Variants in TMOD1 observed in about 807,000 individuals in gnomAD.
TMOD1 encodes tropomodulin-1.
In TMOD1, 17 loss-of-function variants were observed where a neutral mutation model predicts 40.6. The observed-to-expected ratio is 0.42, with a 90% CI of 0.29 to 0.63. The LOEUF (loss-of-function observed/expected upper bound fraction) is 0.63, where lower values mean the gene tolerates loss of function less well. Ranked by LOEUF, TMOD1 falls within the 20% of genes least tolerant of loss-of-function variation. The probability of loss-of-function intolerance (pLI) is 0.22; values close to 1 mark genes in which losing one functional copy is unlikely to be tolerated. For synonymous variants in TMOD1, 181 were observed against 175.0 expected (o/e 1.03, Z -0.27); for missense variants, 391 against 447.6 (o/e 0.87, Z 1.14).
At chr9:97,535,161 G>C (rs767659160) in intron 2 of TMOD1, among the ~76,000 whole-genome samples, 1 of 152,154 alleles carries the variant, frequency 6.6e-6, no homozygotes, top group Non-Finnish European at 1.5e-5. Context: ...GAGCATCTCC[G>C]AGTATGCTGG....
chr9:97,595,798 T>TA (rs1421224895), intron 9 of TMOD1, among the ~76,000 whole-genome samples: 3 of 152,010 alleles, frequency 2.0e-5, no homozygotes, highest in Non-Finnish European at 4.4e-5. Flanking sequence ...GGCAGCCAGG[T>TA]ACGGTGGCTC....
At chr9:97,530,840 T>C (rs1267433739) in intron 2 of TMOD1, among the ~76,000 whole-genome samples, 1 of 131,974 alleles carries the variant, frequency 7.6e-6, no homozygotes, top group East Asian at 2.3e-4. Flanking sequence ...CAGATTGGAG[T>C]GCAACGGCGT....
At chr9:97,578,463 C>G (rs1181853466) in intron 8 of TMOD1, among the ~76,000 whole-genome samples, 2 of 152,158 alleles carry the variant, frequency 1.3e-5, no homozygotes, top group Non-Finnish European at 2.9e-5. Context: ...CCTGGAAGAT[C>G]ATGATTATCT....
At chr9:97,553,508 C>G in intron 4 of TMOD1, 108 bp downstream of exon 4, 2 of 1,450,312 alleles carry the variant, frequency 1.4e-6, no homozygotes, top group Non-Finnish European at 1.9e-6. Flanking sequence ...CTATTTCTAA[C>G]AAGAACTAGA....
In TMOD1 at chr9:97,502,328, T is replaced by C. The variant is rs1829515834; in HGVS notation, c.-49+525T>C. On this transcript the variant is annotated intron_variant, in intron 1 of 9. Coordinates refer to ENST00000259365, the MANE Select transcript of TMOD1 (RefSeq NM_003275.4). The surrounding 1 kb of genome is among the most constrained non-coding windows in gnomAD (Gnocchi z 6.1). ...CTGGACGTGGATCCCAGGTTCGCGC[T>C]GAGAGTGTTTGGGGCAGGTGAAGTT... Among the ~76,000 whole-genome samples the C allele has an allele frequency of 6.6e-6, 1 of 152,094 alleles. No homozygotes were observed. The highest frequency in any genetic ancestry group is 1.5e-5 in the Non-Finnish European group (1 of 67,990).
chr9:97,524,016 A>C (rs909544504), intron 1 of TMOD1, 125 bp from the exon 2 acceptor site: 2 of 636,616 alleles, frequency 3.1e-6, no homozygotes, highest in African/African-American at 3.7e-5. Flanking sequence ...GTATTCCACC[A>C]TAGTAATGAT....
chr9:97,595,478 CA>C (rs1213345574), intron 9 of TMOD1, among the ~76,000 whole-genome samples: 2 of 149,786 alleles, frequency 1.3e-5, no homozygotes, highest in African/African-American at 2.5e-5. Flanking sequence ...TGGCTTATTT[CA>C]CTTAGTATAA....
intron 8 of TMOD1, among the ~76,000 whole-genome samples, chr9:97,578,576 C>A (rs1306460560): frequency 6.6e-6 from 1 of 152,086 alleles, no homozygotes; most frequent in African/African-American, 2.4e-5. Flanking sequence ...CTGGGGCAGT[C>A]CTTTCAGCCC....
At chr9:97,515,306 G>T (rs1587913910) in intron 1 of TMOD1, among the ~76,000 whole-genome samples, 2 of 151,974 alleles carry the variant, frequency 1.3e-5, no homozygotes, top group East Asian at 3.9e-4. Context: ...TTGAGACAGG[G>T]TCTCAATCTG....
At chr9:97,591,515 T>G (rs923563879) in intron 9 of TMOD1, 80 bp downstream of exon 9, 16 of 1,499,124 alleles carry the variant, frequency 1.1e-5, no homozygotes, top group Non-Finnish European at 1.3e-5. Context: ...GGGAAAATTC[T>G]GTAGATGCCT....
intron 3 of TMOD1, among the ~76,000 whole-genome samples, chr9:97,548,123 A>C (rs1053761424): frequency 2.0e-5 from 3 of 152,148 alleles, no homozygotes; most frequent in African/African-American, 7.2e-5. Context: ...TAATTAATTA[A>C]TTGTGTAATT....
intron 1 of TMOD1, among the ~76,000 whole-genome samples, chr9:97,523,242 G>A (rs563696453): frequency 5.3e-5 from 8 of 152,304 alleles, no homozygotes; most frequent in East Asian, 1.9e-4. Context: ...GTCCAAATGC[G>A]TTGGGTGTCA....
At chr9:97,510,525 C>T (rs1829679369) in intron 1 of TMOD1, among the ~76,000 whole-genome samples, 1 of 152,226 alleles carries the variant, frequency 6.6e-6, no homozygotes, top group Non-Finnish European at 1.5e-5. Context: ...GCCACCACAC[C>T]CGGTCTACAG....
chr9:97,517,924 G>A (rs909370808), intron 1 of TMOD1: 3 of 152,274 alleles, frequency 2.0e-5, no homozygotes, highest in African/African-American at 7.3e-5. Flanking sequence ...GCTTGAGGGA[G>A]GGGGGCCTGG....
Position 97,546,125 on chromosome 9 carries a change from A to ACTCT in TMOD1, c.121-55_121-52dup, listed in dbSNP as rs1554681990. 320 of 1,533,286 alleles carry ACTCT rather than the reference A, an allele frequency of 2.1e-4. 7 individuals carry two copies. In the South Asian group the frequency reaches 3.1e-3, roughly 15 times the overall value. The allele number at this position is 1,533,286 out of a possible 1,614,324, so 95.0% of individuals were successfully genotyped here. Reference sequence around the variant, plus strand: ...AAGTGCAAGTCTTCAGCAGCTGACCACTCTCTCTTTCTCTCTCTCTCTTTC... The same window carrying ACTCT: ...AAGTGCAAGTCTTCAGCAGCTGACCACTCTCTCTCTCTTTCTCTCTCTCTCTTTC... On this transcript the variant is annotated intron_variant, in intron 2 of 9. Transcript: ENST00000259365.
intron 1 of TMOD1, among the ~76,000 whole-genome samples, chr9:97,509,521 T>TG: frequency 1.3e-5 from 2 of 149,758 alleles, no homozygotes; most frequent in African/African-American, 4.9e-5. Context: ...TGTTTTTTGT[T>TG]TTTTTTTTAG....
At chr9:97,595,008 T>G (rs1301482254) in intron 9 of TMOD1, among the ~76,000 whole-genome samples, 2 of 152,066 alleles carry the variant, frequency 1.3e-5, no homozygotes, top group Non-Finnish European at 2.9e-5. Flanking sequence ...TTCCTGGGAG[T>G]CACCATTTTA....
rs1826244919 is a variant in TMOD1 at position 97,600,999 on chromosome 9, G to A, written c.*1301G>A. The A allele has an allele frequency of 7.8e-7, 1 of 1,278,962 alleles. No individual in the cohort carries two copies. Among genetic ancestry groups the A allele is most frequent in the African/African-American group, 1.5e-5 (1 of 65,306 alleles). 79.2% of individuals were successfully genotyped at this position (1,278,962 alleles called of 1,614,324 possible). On this transcript the variant is annotated 3_prime_UTR_variant, in exon 10 of 10. Transcript: ENST00000259365. The stretch of plus-strand genomic sequence containing the variant: ...ACAAGGTCAAGAACTCCAGAGCACT[G>A]AGCAGAGAGGCTGGTGATGAAAAGG...
rs190605532 is a variant in TMOD1 at position 97,543,391 on chromosome 9, A to G, written c.121-2794A>G. On this transcript the variant is annotated intron_variant, in intron 2 of 9. Transcript: ENST00000259365. ...TTTGGGTAACCAATCTCCTATTAAC[A>G]TATATTCTACCTGATTATATAACAA... Among the ~76,000 whole-genome samples the G allele has an allele frequency of 7.4e-4, 112 of 152,378 alleles. 2 individuals are homozygous for G. Among genetic ancestry groups the G allele is most frequent in the Admixed American group, 1.6e-3 (25 of 15,310 alleles).
Sources: gnomAD v4.1 joint callset for allele counts (sites outside exome capture counted in the v4.1 genomes callset) on GRCh38, gnomAD v4.1.1 for gene constraint, Gnocchi (gnomAD v3.1) non-coding constraint, MANE v1.5 for transcripts, NCBI Gene and HGNC (gene_info 2026-07-23, HGNC 2026-07-21) for gene names.